FGF14: variants seen among roughly 807,000 people sequenced by gnomAD.
FGF14 encodes the protein fibroblast growth factor 14.
A neutral mutation model predicts 25.5 loss-of-function variants in FGF14; 5 were observed. The ratio of observed to expected loss-of-function variants is 0.20; its 90% CI spans 0.10 to 0.41. The LOEUF is 0.41. Among genes scored for constraint, FGF14 ranks in the 10% least tolerant of loss-of-function variants. The pLI, the probability that FGF14 is intolerant of heterozygous loss-of-function variation, is 1.00. For synonymous variants in FGF14, 138 were observed against 118.3 expected (o/e 1.17, Z -1.08); for missense variants, 222 against 320.1 (o/e 0.69, Z 2.34).
At chr13:101,926,442 G>A (rs576836164) in intron 1 of FGF14, among the ~76,000 whole-genome samples, 93 of 152,108 alleles carry the variant, frequency 6.1e-4, no homozygotes, top group African/African-American at 1.9e-3. Context: ...TTGCTGGACC[G>A]CTCCAGTACC....
chr13:102,235,915 C>T (rs1454635714), intron 1 of FGF14, among the ~76,000 whole-genome samples: 2 of 152,172 alleles, frequency 1.3e-5, no homozygotes, highest in Non-Finnish European at 2.9e-5. Context: ...TTGTAACAGA[C>T]CCAGCAAAAG....
chr13:102,365,755 T>C (rs2057693029), intron 1 of FGF14, among the ~76,000 whole-genome samples: 1 of 152,066 alleles, frequency 6.6e-6, no homozygotes, highest in Non-Finnish European at 1.5e-5. Flanking sequence ...TGTGTGTGTA[T>C]AGTTATAATT....
intron 1 of FGF14, 145 bp from the exon 2 acceptor site, chr13:101,875,441 T>C (rs1594570962): frequency 1.5e-6 from 1 of 677,304 alleles, no homozygotes; most frequent in South Asian, 1.7e-5. Flanking sequence ...TTCTGTGTTT[T>C]ATCAAACCTG....
chr13:102,033,924 C>T (rs147315275), intron 1 of FGF14, among the ~76,000 whole-genome samples: 184 of 152,120 alleles, frequency 1.2e-3, no homozygotes, highest in East Asian at 3.9e-3. Context: ...GGTGTCAGAA[C>T]GCTGTCTGCC....
chr13:101,988,181 T>A (rs1162340547), intron 1 of FGF14, among the ~76,000 whole-genome samples: 2 of 151,934 alleles, frequency 1.3e-5, no homozygotes, highest in Non-Finnish European at 2.9e-5. Flanking sequence ...CAAATGGTGA[T>A]CAAATCCGCA....
At chr13:101,907,583 C>T (rs957469187) in intron 1 of FGF14, among the ~76,000 whole-genome samples, 3 of 152,008 alleles carry the variant, frequency 2.0e-5, no homozygotes, top group Non-Finnish European at 4.4e-5. Context: ...GGGACAAACA[C>T]CTGTTTAGAA....
intron 1 of FGF14, among the ~76,000 whole-genome samples, chr13:102,163,960 C>T (rs1313761450): frequency 6.6e-6 from 1 of 152,104 alleles, no homozygotes; most frequent in Non-Finnish European, 1.5e-5. Context: ...AAATCTGATT[C>T]CCGTTGTAGA....
intron 1 of FGF14, among the ~76,000 whole-genome samples, chr13:102,191,399 T>G (rs1487538441): frequency 6.6e-6 from 1 of 152,108 alleles, no homozygotes; most frequent in Non-Finnish European, 1.5e-5. Flanking sequence ...CATGGTGAAG[T>G]TTTTGTAAAG....
chr13:102,314,675 C>T (rs891077365), intron 1 of FGF14, among the ~76,000 whole-genome samples: 2 of 152,048 alleles, frequency 1.3e-5, no homozygotes, highest in African/African-American at 4.8e-5. Flanking sequence ...TAAACAAATG[C>T]CAATCACTCT....
chr13:101,844,693 G>A (rs2043358406), intron 3 of FGF14, among the ~76,000 whole-genome samples: 1 of 151,918 alleles, frequency 6.6e-6, no homozygotes. Flanking sequence ...TACATACATA[G>A]TGTACATTTC....
At chr13:102,307,232 A>C (rs138925522) in intron 1 of FGF14, among the ~76,000 whole-genome samples, 1 of 152,160 alleles carries the variant, frequency 6.6e-6, no homozygotes, top group South Asian at 2.1e-4. Context: ...AACTTTTCCA[A>C]CATCCAAGTG....
chr13:102,360,066 C>A (rs961117910), intron 1 of FGF14, among the ~76,000 whole-genome samples: 11 of 152,110 alleles, frequency 7.2e-5, no homozygotes, highest in African/African-American at 4.8e-5. Context: ...GTAGCTATAA[C>A]ACATAAAAAT....
Position 102,007,432 on chromosome 13 carries a change from T to C in FGF14, c.209-132136A>G, listed in dbSNP as rs2039863231. On this transcript the variant is annotated intron_variant, in intron 1 of 4. Transcript: ENST00000376131. ...CCATGAATGCATTGCATTTATTGTA[T>C]AGATGTGGGAAATAGGGCACATAAA... Among the ~76,000 whole-genome samples, 4 of 152,322 alleles carry C rather than the reference T, an allele frequency of 2.6e-5. No individual in the cohort carries two copies. In the South Asian group the frequency reaches 6.2e-4, roughly 24 times the overall value.
In FGF14 at chr13:102,064,653, T is replaced by C. The variant is rs1042686124; in HGVS notation, c.209-189357A>G. 1.3e-4 allele frequency among the ~76,000 whole-genome samples: 20 copies of C among 152,194 alleles called. No individual in the cohort carries two copies. The South Asian group carries it at 2.7e-3, about 21-fold the overall frequency. On this transcript the variant is annotated intron_variant, in intron 1 of 4. Coordinates refer to the FGF14 transcript ENST00000376131. ...AATTTGTGTAAGTCTTTTAATGATA[T>C]AGTTGGCTCTTAATATTCCTGGGTT...
At position 101,812,682 on chromosome 13, in the gene FGF14, T is replaced by TTA. The variant is rs1566931859; in HGVS notation, c.408+56042_408+56043insTA. ...TTTTTTTTTTTTTTTTTTTTTTTTT[T>TTA]ACGGAGTTTTGCTGTTGTCACCAAG... is the stretch of plus-strand genomic sequence containing the variant. On this transcript the variant is annotated intron_variant, in intron 3 of 4. Transcript: ENST00000376143. 1.2e-4 allele frequency among the ~76,000 whole-genome samples: 13 copies of TTA among 109,402 alleles called. No homozygotes were observed. In the East Asian group the frequency reaches 3.1e-3, roughly 26 times the overall value. 71.8% of individuals were successfully genotyped at this position (109,402 alleles called of 152,430 possible). A position where few individuals can be genotyped will look rare whatever the true frequency, so the allele number is the denominator to read the frequency against.
intron 1 of FGF14, among the ~76,000 whole-genome samples, chr13:102,397,618 A>T (rs1537923): frequency 1.3e-5 from 2 of 152,092 alleles, no homozygotes; most frequent in East Asian, 3.9e-4. Flanking sequence ...TTGAGTGGGT[A>T]TATCTATTTG....
At chr13:102,135,852 C>T (rs754923110) in intron 1 of FGF14, among the ~76,000 whole-genome samples, 12 of 151,756 alleles carry the variant, frequency 7.9e-5, no homozygotes, top group Non-Finnish European at 1.2e-4. Flanking sequence ...GATAGGGTTT[C>T]GCCATGTTGG....
At chr13:102,238,258 A>T (rs985746679) in intron 1 of FGF14, among the ~76,000 whole-genome samples, 1 of 152,238 alleles carries the variant, frequency 6.6e-6, no homozygotes, top group African/African-American at 2.4e-5. Flanking sequence ...TCCAAGGATT[A>T]ACAAATGCCA....
At chr13:101,928,347 C>A (rs1159852070) in intron 1 of FGF14, among the ~76,000 whole-genome samples, 1 of 151,934 alleles carries the variant, frequency 6.6e-6, no homozygotes, top group Non-Finnish European at 1.5e-5. Context: ...AAAACTAATA[C>A]AACTTGAATT....
Sources: allele counts gnomAD v4.1 joint callset (sites outside exome capture counted in the v4.1 genomes callset), GRCh38; gene constraint gnomAD v4.1.1; transcripts MANE v1.5; gene names NCBI Gene and HGNC (gene_info 2026-07-23, HGNC 2026-07-21).